The following ETNK1 variants were observed in gnomAD, a reference collection of about 807,000 sequenced individuals.
ETNK1 encodes ethanolamine kinase 1, also known as putative protein product of Nbla10396.
In ETNK1, 8 loss-of-function variants were observed where a neutral mutation model predicts 45.1. The observed-to-expected ratio is 0.18, with a 90% CI of 0.10 to 0.32. The LOEUF is 0.32. Among genes scored for constraint, ETNK1 ranks in the 10% least tolerant of loss-of-function variants. The pLI is 1.00. For missense variants in ETNK1, 302 were observed against 430.6 expected, an observed-to-expected ratio of 0.70 and a Z score of 2.64; for synonymous variants, 152 against 151.9, an observed-to-expected ratio of 1.00 and a Z score of -0.01.
chr12:22,689,333 A>T lies in ETNK1; in HGVS notation c.*4379A>T, dbSNP rs1182638833. 6.6e-6 allele frequency: 1 copy of T among 151,924 alleles called. No homozygotes were observed. The highest frequency in any genetic ancestry group is 6.6e-5 in the Admixed American group (1 of 15,248). 9.4% of individuals were successfully genotyped at this position (151,924 alleles called of 1,614,324 possible). A position where few individuals can be genotyped will look rare whatever the true frequency, so the allele number is the denominator to read the frequency against. On this transcript the variant is annotated 3_prime_UTR_variant, in exon 8 of 8. Transcript: ENST00000266517. ...TCTCCTGAAATTTTCTTTCTCTTCT[A>T]TACTTTATGCACTTACTATACTACT...
chr12:22,675,621 G>A (rs2137572106), intron 6 of ETNK1, among the ~76,000 whole-genome samples: 1 of 152,232 alleles, frequency 6.6e-6, no homozygotes, highest in East Asian at 1.9e-4. Context: ...GCCTCCCAGG[G>A]TATTGGGACT....
In ETNK1 at chr12:22,686,035, G is replaced by A. The variant is rs903668419; in HGVS notation, c.*1081G>A. On this transcript the variant is annotated 3_prime_UTR_variant, in exon 8 of 8. Coordinates refer to ENST00000266517, the MANE Select transcript of ETNK1 (RefSeq NM_018638.5). Reference sequence around the variant, plus strand: ...TGATTACTTGATACATGTAAGTTCAGCGTTATATGTTGAGGCAGTTATATA... The same window carrying A: ...TGATTACTTGATACATGTAAGTTCAACGTTATATGTTGAGGCAGTTATATA... 6.6e-6 allele frequency: 1 copy of A among 152,222 alleles called. No individual in the cohort carries two copies. The highest frequency in any genetic ancestry group is 2.4e-5 in the African/African-American group (1 of 41,352). The allele number at this position is 152,222 out of a possible 1,614,324, so 9.4% of individuals were successfully genotyped here.
intron 4 of ETNK1, among the ~76,000 whole-genome samples, chr12:22,664,498 ACC>A (rs1954035592): frequency 6.6e-6 from 1 of 152,056 alleles, no homozygotes; most frequent in African/African-American, 2.4e-5. Flanking sequence ...TACTATGAGC[ACC>A]CTGCAATTTG....
chr12:22,683,189 T>C (rs955526122), intron 6 of ETNK1, among the ~76,000 whole-genome samples: 4 of 152,110 alleles, frequency 2.6e-5, no homozygotes, highest in Non-Finnish European at 4.4e-5. Context: ...CAAGTGACTT[T>C]AGTTGTTTAG....
chr12:22,665,549 G>A (rs1954045733), intron 4 of ETNK1, among the ~76,000 whole-genome samples: 2 of 152,088 alleles, frequency 1.3e-5, no homozygotes, highest in Non-Finnish European at 2.9e-5. Context: ...TCTGTAAGGG[G>A]CTATGTAGTA....
intron 1 of ETNK1, among the ~76,000 whole-genome samples, chr12:22,628,128 C>G (rs1457042785): frequency 1.3e-5 from 2 of 152,022 alleles, no homozygotes; most frequent in African/African-American, 4.8e-5. Context: ...ATTTAATAAT[C>G]CTTTACTGTT....
intron 2 of ETNK1, among the ~76,000 whole-genome samples, chr12:22,645,953 C>T (rs1953802371): frequency 6.6e-6 from 1 of 151,584 alleles, no homozygotes; most frequent in African/African-American, 2.4e-5. Context: ...TGTTAGAAAC[C>T]AAACATCAAT....
intron 2 of ETNK1, among the ~76,000 whole-genome samples, chr12:22,655,288 G>A (rs1181070734): frequency 6.6e-6 from 1 of 150,722 alleles, no homozygotes; most frequent in Non-Finnish European, 1.5e-5. Flanking sequence ...AAGTTAGTGT[G>A]AAATGGCAAG....
At position 22,689,179 on chromosome 12, in the gene ETNK1, C is replaced by T. The variant is rs536619188; in HGVS notation, c.*4225C>T. ...ACTGAAAATCTTCATTTCTGGATTG[C>T]AGTTTGAAATGGAATGAAGACCTGA... On this transcript the variant is annotated 3_prime_UTR_variant, in exon 8 of 8. Coordinates refer to ENST00000266517, the MANE Select transcript of ETNK1 (RefSeq NM_018638.5). 1 of 151,906 alleles carries T rather than the reference C, an allele frequency of 6.6e-6. No homozygotes were observed. The highest frequency in any genetic ancestry group is 1.9e-4 in the East Asian group (1 of 5,184). 9.4% of individuals were successfully genotyped at this position (151,906 alleles called of 1,614,324 possible).
chr12:22,662,353 G>A lies in ETNK1; in HGVS notation c.700+1148G>A, dbSNP rs544806587. Reference sequence around the variant, plus strand: ...TCCGCCCACCTCGGCCTCCCAAAGCGCTGGGATTACAGGTGTGAGCCACTG... The same window carrying A: ...TCCGCCCACCTCGGCCTCCCAAAGCACTGGGATTACAGGTGTGAGCCACTG... On this transcript the variant is annotated intron_variant, in intron 4 of 7. Transcript: ENST00000266517. Among the ~76,000 whole-genome samples, 153 of 146,038 alleles carry A rather than the reference G, an allele frequency of 1.0e-3. 1 individual carries two copies. Among genetic ancestry groups the A allele is most frequent in the African/African-American group, 3.6e-3 (143 of 39,262 alleles).
chr12:22,659,145 T>G lies in ETNK1; in HGVS notation c.548T>G (p.Ile183Ser). The G allele has an allele frequency of 1.9e-6, 3 of 1,612,430 alleles. No individual in the cohort carries two copies. Among genetic ancestry groups the G allele is most frequent in the Non-Finnish European group, 2.5e-6 (3 of 1,179,344 alleles). Residue 183 changes from isoleucine (I) to serine (S), a missense_variant, in exon 3 of 8, where the codon ATT (isoleucine) becomes AGT (serine). By Grantham distance (142) the Ile-to-Ser change is moderately radical. This residue lies in a region of ETNK1 where 205 missense variants were observed against 259.9 expected (regional missense o/e 0.79). Transcript: ENST00000266517. ...LIPTGFADED[I>S]NKRFLSDIPS... ...CCCACAGGATTTGCAGATGAAGACA[T>G]TAATAAAAGGTAAAATTATTTTTAC...
chr12:22,644,086 AT>A, intron 2 of ETNK1, 64 bp downstream of exon 2: 2 of 1,502,470 alleles, frequency 1.3e-6, no homozygotes, highest in Non-Finnish European at 1.8e-6. Flanking sequence ...TTAAGGAAAT[AT>A]TTTTTAAAAT....
intron 6 of ETNK1, among the ~76,000 whole-genome samples, chr12:22,678,432 C>T (rs1954181251): frequency 6.6e-6 from 1 of 152,176 alleles, no homozygotes; most frequent in African/African-American, 2.4e-5. Flanking sequence ...AAAATGTTCT[C>T]TTGTTGACTT....
chr12:22,637,176 C>G (rs996724150), intron 1 of ETNK1, among the ~76,000 whole-genome samples: 1 of 152,228 alleles, frequency 6.6e-6, no homozygotes, highest in Non-Finnish European at 1.5e-5. Context: ...TTTCCCTTTG[C>G]TGGGACCTGA....
rs1233345707 is a variant in ETNK1 at position 22,685,611 on chromosome 12, G to GTAACA, written c.*659_*660insACATA. On this transcript the variant is annotated 3_prime_UTR_variant, in exon 8 of 8. Coordinates refer to ENST00000266517, the MANE Select transcript of ETNK1 (RefSeq NM_018638.5). The stretch of plus-strand genomic sequence containing the variant: ...TAGAATTAAATCCCTGTTTCTCTAT[G>GTAACA]TAGTCTGGCAGTATAAATATAAATA... 1 of 151,738 alleles carries GTAACA rather than the reference G, an allele frequency of 6.6e-6. No individual in the cohort carries two copies. The highest frequency in any genetic ancestry group is 1.5e-5 in the Non-Finnish European group (1 of 67,760). The allele number at this position is 151,738 out of a possible 1,614,324, so 9.4% of individuals were successfully genotyped here.
rs1384330080 is a variant in ETNK1 at position 22,690,646 on chromosome 12, AAAGTT to A, written c.*5693_*5697del. 6.6e-6 allele frequency: 1 copy of A among 152,530 alleles called. No individual in the cohort carries two copies. Among genetic ancestry groups the A allele is most frequent in the Non-Finnish European group, 1.5e-5 (1 of 67,942 alleles). The allele number at this position is 152,530 out of a possible 1,614,324, so 9.4% of individuals were successfully genotyped here. A position where few individuals can be genotyped will look rare whatever the true frequency, so the allele number is the denominator to read the frequency against. ...GTAAATAAAAATTCGTTGTAACAAT[AAAGTT>A]GAGTTCTAACTACAGTGTATTCATA... On this transcript the variant is annotated 3_prime_UTR_variant, in exon 8 of 8. Transcript: ENST00000266517.
intron 6 of ETNK1, among the ~76,000 whole-genome samples, chr12:22,680,648 T>G (rs1488231540): frequency 6.6e-6 from 1 of 152,154 alleles, no homozygotes; most frequent in Non-Finnish European, 1.5e-5. Context: ...CCTTAGATAG[T>G]TTATGAAGCT....
chr12:22,625,739 A>C, intron 1 of ETNK1, 153 bp downstream of exon 1: 1 of 1,133,452 alleles, frequency 8.8e-7, no homozygotes, highest in Non-Finnish European at 1.3e-6. Context: ...TTCCCCTCAC[A>C]CCTAGGAGGG....
At chr12:22,658,502 G>T (rs1953966735) in intron 2 of ETNK1, among the ~76,000 whole-genome samples, 1 of 152,110 alleles carries the variant, frequency 6.6e-6, no homozygotes, top group African/African-American at 2.4e-5. Flanking sequence ...AACTGTTAAA[G>T]AAAAAATTAC....
Sources: allele counts gnomAD v4.1 joint callset (sites outside exome capture counted in the v4.1 genomes callset), GRCh38; gene constraint gnomAD v4.1.1; regional missense constraint gnomAD v4.1.1; transcripts MANE v1.5; gene names NCBI Gene and HGNC (gene_info 2026-07-23, HGNC 2026-07-21).